Variants in ZMYND11 observed in about 807,000 individuals in gnomAD.
ZMYND11 encodes the protein zinc finger MYND domain-containing protein 11.
A neutral mutation model predicts 84.9 loss-of-function variants in ZMYND11; 9 were observed. The observed-to-expected ratio is 0.11, with a 90% CI of 0.06 to 0.18. The LOEUF is 0.18. Ranked by LOEUF, ZMYND11 falls within the 10% of genes least tolerant of loss-of-function variation. The pLI is 1.00. For synonymous variants in ZMYND11, 250 were observed against 244.1 expected, an observed-to-expected ratio of 1.02 and a Z score of -0.23; for missense variants, 409 against 761.0, an observed-to-expected ratio of 0.54 and a Z score of 5.44.
intron 2 of ZMYND11, among the ~76,000 whole-genome samples, chr10:181,723 G>A (rs2130739309): frequency 6.6e-6 from 1 of 152,120 alleles, no homozygotes; most frequent in South Asian, 2.1e-4. Flanking sequence ...TCGCCTTTGT[G>A]GTATTTTAAA....
At chr10:143,714 A>G (rs913224690) in intron 1 of ZMYND11, among the ~76,000 whole-genome samples, 1 of 152,228 alleles carries the variant, frequency 6.6e-6, no homozygotes, top group African/African-American at 2.4e-5. Context: ...CAAATTTAAT[A>G]TTAAAGTACC....
intron 3 of ZMYND11, among the ~76,000 whole-genome samples, chr10:220,002 ACTGGGTAGTCCTTCATAT>A (rs1308832323): frequency 6.6e-6 from 1 of 152,100 alleles, no homozygotes; most frequent in Admixed American, 6.6e-5. Flanking sequence ...CTTTTGAAGG[ACTGGGTAGTCCTTCATAT>A]CTGGCAGTCA....
At chr10:250,520 C>T (rs923842112) in intron 14 of ZMYND11, among the ~76,000 whole-genome samples, 6 of 151,642 alleles carry the variant, frequency 4.0e-5, no homozygotes, top group South Asian at 4.2e-4. Context: ...GAGTAGAAAT[C>T]TCTTAAGTTT....
At chr10:143,597 A>G (rs971524510) in intron 1 of ZMYND11, among the ~76,000 whole-genome samples, 1 of 152,262 alleles carries the variant, frequency 6.6e-6, no homozygotes, top group Admixed American at 6.5e-5. Flanking sequence ...AGAGGAGGTT[A>G]TTTACCATTA....
At chr10:198,302 G>A (rs892275353) in intron 2 of ZMYND11, among the ~76,000 whole-genome samples, 1 of 151,810 alleles carries the variant, frequency 6.6e-6, no homozygotes, top group Non-Finnish European at 1.5e-5. Context: ...GTTTAAATAT[G>A]GTCACTGCAT....
At chr10:247,001 TATTC>T in intron 11 of ZMYND11, 28 bp downstream of exon 11, 1 of 1,555,670 alleles carries the variant, frequency 6.4e-7, no homozygotes, top group Non-Finnish European at 8.7e-7. Flanking sequence ...AGGAAGTGCC[TATTC>T]ATTATTACTT....
upstream of ZMYND11, among the ~76,000 whole-genome samples, chr10:131,412 C>G (rs1554749913): frequency 6.6e-6 from 1 of 152,204 alleles, no homozygotes; most frequent in African/African-American, 2.4e-5. Flanking sequence ...GGCCCACAGG[C>G]ACTGGAACTA....
chr10:199,349 CTT>C (rs760705072), intron 2 of ZMYND11, among the ~76,000 whole-genome samples: 2 of 140,588 alleles, frequency 1.4e-5, no homozygotes, highest in African/African-American at 2.6e-5. Flanking sequence ...GTCTCTGTCT[CTT>C]TCTTTCTGTG....
chr10:226,570 ATATT>A (rs1305825870), intron 4 of ZMYND11, among the ~76,000 whole-genome samples: 1 of 152,182 alleles, frequency 6.6e-6, no homozygotes, highest in African/African-American at 2.4e-5. Context: ...TGCAGTTTTC[ATATT>A]TAGACTAAAA....
intron 1 of ZMYND11, among the ~76,000 whole-genome samples, chr10:162,640 C>A (rs2131516382): frequency 6.6e-6 from 1 of 152,138 alleles, no homozygotes; most frequent in South Asian, 2.1e-4. Context: ...CTTCTGATAT[C>A]ATTTATTATA....
At chr10:158,984 G>GGT (rs1554760453) in intron 1 of ZMYND11, among the ~76,000 whole-genome samples, 46 of 40,054 alleles carry the variant, frequency 1.1e-3, no homozygotes, top group African/African-American at 3.2e-3. Flanking sequence ...AGGGTTTTTT[G>GGT]TTTTTTGTTT....
intron 2 of ZMYND11, among the ~76,000 whole-genome samples, chr10:208,924 A>G (rs544327177): frequency 1.3e-5 from 2 of 152,126 alleles, no homozygotes; most frequent in Non-Finnish European, 1.5e-5. Context: ...AGCTCACACT[A>G]TGTTTTTTAT....
At chr10:207,251 G>A (rs1026174802) in intron 2 of ZMYND11, among the ~76,000 whole-genome samples, 3 of 152,138 alleles carry the variant, frequency 2.0e-5, no homozygotes, top group African/African-American at 7.2e-5. Context: ...ATGGACATTT[G>A]GGTTGGTTCC....
intron 1 of ZMYND11, among the ~76,000 whole-genome samples, chr10:146,796 C>T (rs979805046): frequency 1.3e-5 from 2 of 152,142 alleles, no homozygotes; most frequent in Non-Finnish European, 2.9e-5. Context: ...GTGGGTTTTC[C>T]CCATGCTGTT....
In ZMYND11 at chr10:220,657, A is replaced by G. The variant is rs144278773; in HGVS notation, c.277-538A>G. On this transcript the variant is annotated intron_variant, in intron 3 of 14. Transcript: ENST00000381604. Reference sequence around the variant, plus strand: ...AACAGCTCTGAAAATCTGACATCCTATCAGAACATGGACATTCTGATTAAT... The same window carrying G: ...AACAGCTCTGAAAATCTGACATCCTGTCAGAACATGGACATTCTGATTAAT... Among the ~76,000 whole-genome samples, 266 of 152,334 alleles carry G rather than the reference A, an allele frequency of 1.7e-3. 1 individual carries two copies. Among genetic ancestry groups the G allele is most frequent in the Non-Finnish European group, 2.7e-3 (183 of 68,026 alleles).
chr10:136,497 C>T (rs1278947656), intron 1 of ZMYND11, among the ~76,000 whole-genome samples: 3 of 152,098 alleles, frequency 2.0e-5, no homozygotes, highest in African/African-American at 7.2e-5. Flanking sequence ...CGGTGTCGTA[C>T]CGGCTATCAT....
At chr10:212,609 A>T (rs1945446824) in intron 3 of ZMYND11, among the ~76,000 whole-genome samples, 2 of 151,898 alleles carry the variant, frequency 1.3e-5, no homozygotes, top group Non-Finnish European at 2.9e-5. Context: ...TCTGATCCTC[A>T]GCCCTCAGCT....
At chr10:245,212 A>G (rs938994000) in intron 10 of ZMYND11, among the ~76,000 whole-genome samples, 4 of 152,250 alleles carry the variant, frequency 2.6e-5, no homozygotes, top group African/African-American at 9.6e-5. Context: ...AGTTGATATA[A>G]TATTAACAAT....
intron 1 of ZMYND11, among the ~76,000 whole-genome samples, chr10:150,612 C>T (rs1840103184): frequency 6.6e-6 from 1 of 152,212 alleles, no homozygotes; most frequent in East Asian, 1.9e-4. Flanking sequence ...GTGGAGCCCA[C>T]TGCAGCTCAA....
Sources: allele counts gnomAD v4.1 joint callset (sites outside exome capture counted in the v4.1 genomes callset), GRCh38; gene constraint gnomAD v4.1.1; transcripts MANE v1.5; gene names NCBI Gene and HGNC (gene_info 2026-07-23, HGNC 2026-07-21).